The following CDC14A variants were observed in gnomAD, a reference collection of about 807,000 sequenced individuals.
CDC14A encodes the protein dual specificity protein phosphatase CDC14A.
Under a neutral mutation model 74.4 loss-of-function variants are expected in CDC14A, and 53 were observed. The observed-to-expected ratio is 0.71, with a 90% CI of 0.57 to 0.89. The LOEUF (loss-of-function observed/expected upper bound fraction) is 0.89, where lower values mean the gene tolerates loss of function less well. CDC14A is among the 40% of genes least tolerant of loss of function. The pLI is 0.00. For synonymous variants in CDC14A, 247 were observed against 258.4 expected (o/e 0.96, Z 0.43); for missense variants, 646 against 713.7 (o/e 0.91, Z 1.08).
In CDC14A at chr1:100,465,396, G is replaced by A. The variant is rs779164659; in HGVS notation, c.838+2515G>A. Among the ~76,000 whole-genome samples, 28 of 152,112 alleles carry A rather than the reference G, an allele frequency of 1.8e-4. No individual in the cohort carries two copies. In the East Asian group the frequency reaches 2.1e-3, roughly 11 times the overall value. On this transcript the variant is annotated intron_variant, in intron 9 of 15. Transcript: ENST00000336454. ...CATTTTCTTCCACTTGCACACACAC[G>A]TAGGATTCTTTTATAAGGATTACAC...
At position 100,408,900 on chromosome 1, in the gene CDC14A, A is replaced by T. The variant is rs150511163; in HGVS notation, c.310-15322A>T. Among the ~76,000 whole-genome samples the T allele has an allele frequency of 1.5e-3, 225 of 152,282 alleles. 4 individuals carry two copies. Among genetic ancestry groups the T allele is most frequent in the East Asian group, 0.012 (63 of 5,178 alleles). On this transcript the variant is annotated intron_variant, in intron 4 of 15. Coordinates refer to ENST00000336454, the MANE Select transcript of CDC14A (RefSeq NM_003672.4). The stretch of plus-strand genomic sequence containing the variant: ...CTATTTGAAACCATATATTACTGTT[A>T]ACTGTAGTCATCCTACAGTGGTATG...
chr1:100,477,195 G>C (rs1333097619), intron 10 of CDC14A, among the ~76,000 whole-genome samples: 1 of 152,092 alleles, frequency 6.6e-6, no homozygotes, highest in Non-Finnish European at 1.5e-5. Flanking sequence ...AAGTAAACTG[G>C]TGTTCTTTTA....
intron 7 of CDC14A, among the ~76,000 whole-genome samples, chr1:100,446,916 C>G (rs1665607611): frequency 6.6e-6 from 1 of 152,166 alleles, no homozygotes; most frequent in Non-Finnish European, 1.5e-5. Flanking sequence ...CCAGGTTGGT[C>G]TCAAACTCCT....
Position 100,352,690 on chromosome 1 carries a change from CA to C in CDC14A, c.-264del. On this transcript the variant is annotated 5_prime_UTR_variant, in exon 1 of 16. It introduces an in-frame stop codon into an upstream open reading frame of the 5' UTR. Transcript: ENST00000336454. ...GGCGGCGGCGGAGCAGCAGCTGCAGCAGCCGAGTCCAAATAGGAGCGGCCAC... is the reference window on the plus strand; with the variant it reads ...GGCGGCGGCGGAGCAGCAGCTGCAGCGCCGAGTCCAAATAGGAGCGGCCAC... 7.5e-7 allele frequency: 1 copy of C among 1,327,768 alleles called. No individual in the cohort carries two copies. The highest frequency in any genetic ancestry group is 9.6e-7 in the Non-Finnish European group (1 of 1,042,320). 82.2% of individuals were successfully genotyped at this position (1,327,768 alleles called of 1,614,324 possible).
chr1:100,457,814 CT>C (rs1405316415), intron 8 of CDC14A, among the ~76,000 whole-genome samples: 1 of 151,902 alleles, frequency 6.6e-6, no homozygotes, highest in Non-Finnish European at 1.5e-5. Context: ...TATTCTTACT[CT>C]TTTTTTCCTT....
chr1:100,422,257 C>T (rs1403417345), intron 4 of CDC14A, among the ~76,000 whole-genome samples: 1 of 152,176 alleles, frequency 6.6e-6, no homozygotes, highest in African/African-American at 2.4e-5. Context: ...TCCATGTGGG[C>T]TGGTGCCTCC....
chr1:100,399,507 G>A (rs1452046905), intron 4 of CDC14A, among the ~76,000 whole-genome samples: 1 of 151,850 alleles, frequency 6.6e-6, no homozygotes, highest in African/African-American at 2.4e-5. Context: ...TTGCATATTG[G>A]GTATGAACAT....
In CDC14A at chr1:100,424,803, A is replaced by G. The variant is rs28361224; in HGVS notation, c.389+502A>G. 5.4e-3 allele frequency among the ~76,000 whole-genome samples: 825 copies of G among 152,284 alleles called. 19 individuals carry two copies. The East Asian group carries it at 0.058, about 11-fold the overall frequency. On this transcript the variant is annotated intron_variant, in intron 5 of 15. Transcript: ENST00000336454. ...GGCATCCCCAGGAAGCCTTTCTCTC[A>G]TTACTGTGTTTTCTAAGTATCATCA...
rs117350733 is a variant in CDC14A at position 100,487,881 on chromosome 1, C to T, written c.1137+3430C>T. Among the ~76,000 whole-genome samples the T allele has an allele frequency of 1.1e-4, 17 of 152,270 alleles. No individual in the cohort carries two copies. In the East Asian group the frequency reaches 3.3e-3, roughly 29 times the overall value. ...TTTTCCCCCACAGTCCTCATGCCTC[C>T]TTCCCTGCTCGGTGATACTCTCTAG... On this transcript the variant is annotated intron_variant, in intron 11 of 15. Transcript: ENST00000336454.
intron 4 of CDC14A, among the ~76,000 whole-genome samples, chr1:100,399,651 A>G (rs948075549): frequency 2.6e-5 from 4 of 152,096 alleles, no homozygotes; most frequent in African/African-American, 7.2e-5. Flanking sequence ...TTGTGTTTTT[A>G]TATTTGTTTC....
rs1170451822 is a variant in CDC14A, at chr1:100,498,109, T to C, written c.1323T>C (p.Ser441=). Reference sequence around the variant, plus strand: ...GATTAAGTTCATCCCTGCAAGGATCTGCAGTTACTTTGAAGACATCAAAAA... The same window carrying C: ...GATTAAGTTCATCCCTGCAAGGATCCGCAGTTACTTTGAAGACATCAAAAA... ...PFRLSSSLQG[S]AVTLKTSKMA... Residue 441 remains serine (S), a synonymous_variant, in exon 14 of 16, where the codon TCT becomes TCC. Coordinates refer to ENST00000336454, the MANE Select transcript of CDC14A (RefSeq NM_003672.4). The C allele has an allele frequency of 2.5e-6, 4 of 1,614,002 alleles. No individual in the cohort carries two copies. The highest frequency in any genetic ancestry group is 1.3e-5 in the African/African-American group (1 of 74,946).
chr1:100,507,628 G>T (rs981292238), intron 15 of CDC14A, among the ~76,000 whole-genome samples: 2 of 150,870 alleles, frequency 1.3e-5, no homozygotes, highest in Non-Finnish European at 3.0e-5. Flanking sequence ...TTGCTTTACT[G>T]CCTTTCCCCT....
At chr1:100,447,554 C>T (rs1158139547) in intron 7 of CDC14A, among the ~76,000 whole-genome samples, 1 of 152,164 alleles carries the variant, frequency 6.6e-6, no homozygotes, top group Non-Finnish European at 1.5e-5. Flanking sequence ...AGAATATGTA[C>T]CTTGAGAACC....
intron 3 of CDC14A, among the ~76,000 whole-genome samples, chr1:100,386,910 TC>T (rs1467450427): frequency 6.6e-6 from 1 of 152,232 alleles, no homozygotes; most frequent in Non-Finnish European, 1.5e-5. Flanking sequence ...CATCGATGTC[TC>T]CACTGGGTGT....
At chr1:100,420,005 T>TATATATAC (rs1553180401) in intron 4 of CDC14A, among the ~76,000 whole-genome samples, 6 of 110,994 alleles carry the variant, frequency 5.4e-5, no homozygotes, top group Non-Finnish European at 1.1e-4. Context: ...TAAATATATA[T>TATATATAC]ATATATACAT....
chr1:100,390,927 G>T, intron 4 of CDC14A, 103 bp downstream of exon 4: 1 of 786,210 alleles, frequency 1.3e-6, no homozygotes, highest in East Asian at 2.6e-5. Context: ...GAGAGACGGT[G>T]GAGATTATTA....
At chr1:100,512,708 T>C (rs533374435) in intron 15 of CDC14A, among the ~76,000 whole-genome samples, 1 of 152,314 alleles carries the variant, frequency 6.6e-6, no homozygotes, top group Non-Finnish European at 1.5e-5. Flanking sequence ...AAGACTATTT[T>C]ATATAGCATT....
chr1:100,493,123 A>G (rs1175929616), intron 11 of CDC14A, among the ~76,000 whole-genome samples: 4 of 152,170 alleles, frequency 2.6e-5, no homozygotes, highest in African/African-American at 9.7e-5. Flanking sequence ...GTTGAGAATC[A>G]TTTTATATTT....
chr1:100,448,242 G>A (rs1407343194), intron 7 of CDC14A, among the ~76,000 whole-genome samples: 1 of 152,152 alleles, frequency 6.6e-6, no homozygotes, highest in Non-Finnish European at 1.5e-5. Flanking sequence ...AAAGTACTTT[G>A]ACTTTTTTTC....
Sources: gnomAD v4.1 joint callset for allele counts (sites outside exome capture counted in the v4.1 genomes callset) on GRCh38, gnomAD v4.1.1 for gene constraint, MANE v1.5 for transcripts, NCBI Gene and HGNC (gene_info 2026-07-23, HGNC 2026-07-21) for gene names.